Variants in RFC3 observed in about 807,000 individuals in gnomAD.
RFC3 encodes replication factor C subunit 3, also known as A1 38 kDa subunit.
RFC3 carries 41 observed loss-of-function variants against 45.1 expected under a neutral mutation model. That is an observed-to-expected ratio of 0.91 (90% CI 0.71 to 1.18). RFC3 has a LOEUF of 1.18. Among genes scored for constraint, RFC3 ranks in the 50% most tolerant of loss-of-function variants. The pLI is 0.00. For missense variants in RFC3, 423 were observed against 428.1 expected (o/e 0.99, Z 0.10); for synonymous variants, 149 against 144.0 (o/e 1.03, Z -0.25).
chr13:33,823,013 A>G (rs1468167598), intron 2 of RFC3, among the ~76,000 whole-genome samples: 2 of 152,166 alleles, frequency 1.3e-5, no homozygotes, highest in African/African-American at 4.8e-5. Context: ...TTCTGTAACA[A>G]ATAGTCACAG....
Position 33,926,150 on chromosome 13 carries a change from T to A in RFC3, c.880-39937T>A, listed in dbSNP as rs868719978. Among the ~76,000 whole-genome samples the A allele has an allele frequency of 1.3e-4, 19 of 141,052 alleles. No individual in the cohort carries two copies. In the Admixed American group the frequency reaches 1.4e-3, roughly 11 times the overall value. 92.5% of individuals were successfully genotyped at this position (141,052 alleles called of 152,430 possible). On this transcript the variant is annotated intron_variant, in intron 8 of 8. Coordinates refer to the RFC3 transcript ENST00000434425. The stretch of plus-strand genomic sequence containing the variant: ...GCATATTCTCACTCATAGGTGGGAA[T>A]TGAACAATGAGAACACATGGACACA...
chr13:33,896,711 C>CAAAA (rs56129519), intron 8 of RFC3, among the ~76,000 whole-genome samples: 28 of 42,116 alleles, frequency 6.6e-4, no homozygotes, highest in South Asian at 2.2e-3. Flanking sequence ...GACTTTGTCT[C>CAAAA]AAAAAAAAAA....
chr13:33,892,480 T>C (rs894611865), intron 8 of RFC3, among the ~76,000 whole-genome samples: 9 of 152,008 alleles, frequency 5.9e-5, no homozygotes, highest in Admixed American at 5.9e-4. Flanking sequence ...TGCCGTCTCA[T>C]TTCTGTTTCC....
intron 8 of RFC3, among the ~76,000 whole-genome samples, chr13:33,938,733 A>G (rs953998253): frequency 3.3e-5 from 5 of 152,132 alleles, no homozygotes; most frequent in East Asian, 1.9e-4. Context: ...ATTTTTGTAC[A>G]TATCCTTTGG....
intron 8 of RFC3, among the ~76,000 whole-genome samples, chr13:33,935,308 T>C (rs2082879207): frequency 6.6e-6 from 1 of 152,194 alleles, no homozygotes; most frequent in South Asian, 2.1e-4. Context: ...ATTGAAATGA[T>C]GCCAAAAATA....
intron 3 of RFC3, among the ~76,000 whole-genome samples, 161 bp from the exon 4 acceptor site, chr13:33,825,628 A>G (rs1275356381): frequency 2.0e-5 from 3 of 152,114 alleles, no homozygotes; most frequent in African/African-American, 7.2e-5. Context: ...TATTGTTAGT[A>G]TTTTCAATGA....
intron 8 of RFC3, among the ~76,000 whole-genome samples, chr13:33,928,381 A>G (rs2082829369): frequency 6.6e-6 from 1 of 152,160 alleles, no homozygotes; most frequent in East Asian, 1.9e-4. Flanking sequence ...TGTGAGTCCT[A>G]AATTTTCCAA....
At chr13:33,873,616 A>T (rs1406476660) in intron 8 of RFC3, among the ~76,000 whole-genome samples, 1 of 152,212 alleles carries the variant, frequency 6.6e-6, no homozygotes, top group Non-Finnish European at 1.5e-5. Flanking sequence ...ACATGAAAGC[A>T]GGCACTCTAG....
At chr13:33,880,570 A>G (rs919349989) in intron 8 of RFC3, among the ~76,000 whole-genome samples, 12 of 152,190 alleles carry the variant, frequency 7.9e-5, no homozygotes, top group African/African-American at 2.9e-4. Flanking sequence ...GGCTAGTGCA[A>G]ATGGGGAACT....
intron 8 of RFC3, among the ~76,000 whole-genome samples, chr13:33,891,679 A>C (rs1221774212): frequency 3.3e-5 from 5 of 152,208 alleles, no homozygotes; most frequent in Non-Finnish European, 4.4e-5. Context: ...TGACCTAAGC[A>C]CACAGCCAAC....
chr13:33,858,818 G>A lies in RFC3; in HGVS notation c.879+23601G>A, dbSNP rs191034546. ...ATCTATTTAAGTGGAAATGAACATGGTAGGCTTTCAAAGATTAGAGAAAGA... is the reference window on the plus strand; with the variant it reads ...ATCTATTTAAGTGGAAATGAACATGATAGGCTTTCAAAGATTAGAGAAAGA... On this transcript the variant is annotated intron_variant, in intron 8 of 8. Coordinates refer to the RFC3 transcript ENST00000434425. Among the ~76,000 whole-genome samples, 11 of 152,260 alleles carry A rather than the reference G, an allele frequency of 7.2e-5. No homozygotes were observed. The East Asian group carries it at 1.9e-3, about 27-fold the overall frequency.
At chr13:33,934,173 A>G (rs1233010203) in intron 8 of RFC3, among the ~76,000 whole-genome samples, 1 of 142,182 alleles carries the variant, frequency 7.0e-6, no homozygotes, top group African/African-American at 2.8e-5. Flanking sequence ...CTCTACTAAA[A>G]GAAAAAAAAA....
the RFC3 span, among the ~76,000 whole-genome samples, chr13:33,973,264 A>G: frequency 2.0e-5 from 3 of 152,098 alleles, no homozygotes; most frequent in Non-Finnish European, 4.4e-5. Flanking sequence ...AAAGGAGGAG[A>G]GATTTGGTCA....
chr13:33,849,917 T>G (rs572835996), intron 8 of RFC3: 1 of 152,090 alleles, frequency 6.6e-6, no homozygotes, highest in East Asian at 1.9e-4. Context: ...ATTAGAGTTA[T>G]GATGTGTTCA....
At chr13:33,859,456 C>T (rs2082327044) in intron 8 of RFC3, among the ~76,000 whole-genome samples, 1 of 151,860 alleles carries the variant, frequency 6.6e-6, no homozygotes, top group African/African-American at 2.4e-5. Context: ...TAAATAATAT[C>T]AAAACATTTA....
rs3135568 is a variant in RFC3 at position 33,824,792 on chromosome 13, A to G, written c.293+808A>G. Among the ~76,000 whole-genome samples the G allele has an allele frequency of 6.7e-3, 1,018 of 152,264 alleles. 9 individuals carry two copies. Among genetic ancestry groups the G allele is most frequent in the African/African-American group, 0.023 (974 of 41,568 alleles). ...TATTATTACATTTAATCCTTAAAAC[A>G]ACCCTAACAGATAGGTTTTATTATT... On this transcript the variant is annotated intron_variant, in intron 3 of 8. Transcript: ENST00000380071.
intron 8 of RFC3, chr13:33,848,296 AT>A (rs1303219354): frequency 2.0e-5 from 3 of 151,890 alleles, no homozygotes; most frequent in Non-Finnish European, 4.4e-5. Context: ...GTTCTACCTA[AT>A]TTTCTTTATT....
intron 8 of RFC3, among the ~76,000 whole-genome samples, chr13:33,843,091 CAAAA>C (rs965562737): frequency 6.6e-6 from 1 of 151,246 alleles, no homozygotes; most frequent in African/African-American, 2.4e-5. Context: ...AACAAAAAAA[CAAAA>C]AAAACCTCAA....
Position 33,845,731 on chromosome 13 carries a change from T to C in RFC3, c.879+10514T>C, listed in dbSNP as rs148462119. Among the ~76,000 whole-genome samples the C allele has an allele frequency of 3.6e-3, 549 of 152,360 alleles. 11 individuals carry two copies. The East Asian group carries it at 0.056, about 16-fold the overall frequency. ...CTCAAAACAGCTGTTTGGAATTCTC[T>C]GTCTGAAAGGTCACATATCTCTTTC... On this transcript the variant is annotated intron_variant, in intron 8 of 8. Coordinates refer to the RFC3 transcript ENST00000434425.
Sources: gnomAD v4.1 joint callset for allele counts (sites outside exome capture counted in the v4.1 genomes callset) on GRCh38, gnomAD v4.1.1 for gene constraint, MANE v1.5 for transcripts, NCBI Gene and HGNC (gene_info 2026-07-23, HGNC 2026-07-21) for gene names.